The following ZNF783 variants were observed in gnomAD, a reference collection of about 807,000 sequenced individuals.
ZNF783 encodes protein ZNF783.
In ZNF783, 25 loss-of-function variants were observed where a neutral mutation model predicts 31.3. That is an observed-to-expected ratio of 0.80 (90% confidence interval 0.58 to 1.11). The LOEUF (loss-of-function observed/expected upper bound fraction) is 1.11, where lower values mean the gene tolerates loss of function less well. ZNF783 is among the 50% of genes most tolerant of loss of function. The pLI is 0.00. For missense variants in ZNF783, 797 were observed against 760.0 expected (o/e 1.05, Z -0.57); for synonymous variants, 369 against 319.1 (o/e 1.16, Z -1.66).
chr7:149,278,062 T>C, intron 4 of ZNF783: 1 of 773,508 alleles, frequency 1.3e-6, no homozygotes. Flanking sequence ...GAGGCCCGAC[T>C]GCGGGAGGTG....
intron 1 of ZNF783, among the ~76,000 whole-genome samples, 173 bp downstream of exon 1, chr7:149,262,530 G>A (rs1563192473): frequency 6.6e-6 from 1 of 152,230 alleles, no homozygotes; most frequent in African/African-American, 2.4e-5. Context: ...TGACCGGGCG[G>A]CCCAAATGCC....
intron 4 of ZNF783, among the ~76,000 whole-genome samples, chr7:149,270,358 G>C (rs1017655737): frequency 2.6e-5 from 4 of 152,054 alleles, no homozygotes; most frequent in Non-Finnish European, 5.9e-5. Context: ...TCAAACTCTT[G>C]GGCTCAAGCA....
chr7:149,264,106 A>T (rs1463923643), intron 1 of ZNF783, among the ~76,000 whole-genome samples: 1 of 152,126 alleles, frequency 6.6e-6, no homozygotes, highest in Non-Finnish European at 1.5e-5. Context: ...GACTCTTGTT[A>T]GCCCATCCTA....
chr7:149,266,669 T>C lies in ZNF783; in HGVS notation c.359T>C (p.Leu120Pro), dbSNP rs1797076798. ...CGGCTGGAGAATGTGGAGAACTTGC[T>C]GCGCAACAGGAACTTCTGGATCTTG... ...QRRLENVENL[L>P]RNRNFWILRL... Residue 120 changes from leucine to proline, a missense_variant, in exon 2 of 6, where the codon CTG becomes CCG. Coordinates refer to ENST00000434415, the MANE Select transcript of ZNF783 (RefSeq NM_001195220.2). 4 of 1,614,010 alleles carry C rather than the reference T, an allele frequency of 2.5e-6. No homozygotes were observed. The highest frequency in any genetic ancestry group is 1.6e-4 in the Middle Eastern group (1 of 6,082).
chr7:149,266,753 T>C (rs879025330), intron 2 of ZNF783, 23 bp downstream of exon 2: 3 of 1,611,962 alleles, frequency 1.9e-6, no homozygotes, highest in Non-Finnish European at 2.5e-6. Flanking sequence ...CACCCTGGGG[T>C]GGGGGAGCTC....
chr7:149,282,957 G>GTTTTTTTTTTTTTTTTTTTTTTTT lies in ZNF783; in HGVS notation c.*624_*625insTTTTTTTTTTTTTTTTTTTTTTTT, dbSNP rs57927274. The GTTTTTTTTTTTTTTTTTTTTTTTT allele has an allele frequency of 2.2e-5, 3 of 134,346 alleles. No individual in the cohort carries two copies. The highest frequency in any genetic ancestry group is 4.3e-4 in the East Asian group (2 of 4,664). 8.3% of individuals were successfully genotyped at this position (134,346 alleles called of 1,614,324 possible). On this transcript the variant is annotated 3_prime_UTR_variant, in exon 6 of 6. Coordinates refer to ENST00000434415, the MANE Select transcript of ZNF783 (RefSeq NM_001195220.2). ...CGTCCACCAGCCTGTGGGTCTTTTG[G>GTTTTTTTTTTTTTTTTTTTTTTTT]TTTTTTTTTTGTTGTTGTTGTTGTT...
In ZNF783 at chr7:149,278,454, G is replaced by A. The variant is rs773559096; in HGVS notation, c.729G>A (p.Glu243=). The A allele has an allele frequency of 6.3e-7, 1 of 1,599,314 alleles. No homozygotes were observed. The highest frequency in any genetic ancestry group is 8.5e-7 in the Non-Finnish European group (1 of 1,179,758). ...GCCCACTTAGCCCTGCCCAGGAGGA[G>A]CTGAAAGAAGGGCAGGCCCCCAAGC... is the stretch of plus-strand genomic sequence containing the variant. ...LTSPLSPAQE[E]LKEGQAPKQQ... The change falls in exon 5 of 6, where the codon GAG becomes GAA. Residue 243 remains glutamate (E), a synonymous_variant. Coordinates refer to ENST00000434415, the MANE Select transcript of ZNF783 (RefSeq NM_001195220.2).
rs527810106 is a variant in ZNF783, at chr7:149,279,319, C to T, written c.802+792C>T. 7.9e-5 allele frequency among the ~76,000 whole-genome samples: 12 copies of T among 152,366 alleles called. No homozygotes were observed. The East Asian group carries it at 2.1e-3, about 27-fold the overall frequency. On this transcript the variant is annotated intron_variant, in intron 5 of 5. Coordinates refer to ENST00000434415, the MANE Select transcript of ZNF783 (RefSeq NM_001195220.2). ...TTCCTGCCCCATTGCAGACCTGGAA[C>T]GGTGTCCGGGAGCCTCCCAACCCTC... is the stretch of plus-strand genomic sequence containing the variant.
At chr7:149,265,117 G>T (rs1797034020) in intron 1 of ZNF783, among the ~76,000 whole-genome samples, 1 of 152,160 alleles carries the variant, frequency 6.6e-6, no homozygotes, top group Non-Finnish European at 1.5e-5. Flanking sequence ...AACATGGATG[G>T]ATTTGAGGTA....
Position 149,282,294 on chromosome 7 carries a change from G to A in ZNF783, c.1592G>A (p.Arg531His), listed in dbSNP as rs539045489. 1.0e-5 allele frequency: 16 copies of A among 1,568,538 alleles called. No individual in the cohort carries two copies. Among genetic ancestry groups the A allele is most frequent in the Admixed American group, 1.8e-5 (1 of 55,632 alleles). Residue 531 changes from arginine to histidine, a missense_variant, in exon 6 of 6, where the codon CGC becomes CAC. Coordinates refer to ENST00000434415, the MANE Select transcript of ZNF783 (RefSeq NM_001195220.2). ...VGPHFPAAPA[R>H]HGSLPLPWPS... is the part of the protein sequence containing the mutation. ...CCACACTTCCCTGCCGCCCCCGCCCGCCACGGGAGCCTGCCCCTGCCCTGG... is the reference window on the plus strand; with the variant it reads ...CCACACTTCCCTGCCGCCCCCGCCCACCACGGGAGCCTGCCCCTGCCCTGG...
Position 149,266,722 on chromosome 7 carries a change from G to T in ZNF783, c.412G>T (p.Ala138Ser), listed in dbSNP as rs200191576. ...LRLPPGSKGE[A>S]PKVPVTFDDV... ...GCTGCCCCCGGGCAGCAAGGGGGAG[G>T]CCCCCAAGGTAGCACCGGGACACCC... Residue 138 changes from alanine (A) to serine (S), a missense_variant, in exon 2 of 6, where the codon GCC (alanine) becomes TCC (serine). Physicochemically the swap from Ala to Ser is moderately conservative, Grantham distance 99. Transcript: ENST00000434415. 1.2e-6 allele frequency: 2 copies of T among 1,613,798 alleles called. No homozygotes were observed. Among genetic ancestry groups the T allele is most frequent in the African/African-American group, 1.3e-5 (1 of 75,034 alleles).
intron 4 of ZNF783, among the ~76,000 whole-genome samples, chr7:149,270,942 TA>T (rs1797194615): frequency 6.6e-6 from 1 of 152,230 alleles, no homozygotes; most frequent in African/African-American, 2.4e-5. Context: ...AATTCAAATT[TA>T]ATGTTCTTTG....
Position 149,266,481 on chromosome 7 carries a change from G to A in ZNF783, c.171G>A (p.Val57=), listed in dbSNP as rs1461599720. 2 of 1,612,548 alleles carry A rather than the reference G, an allele frequency of 1.2e-6. No individual in the cohort carries two copies. Among genetic ancestry groups the A allele is most frequent in the African/African-American group, 2.7e-5 (2 of 74,900 alleles). The change falls in exon 2 of 6, where the codon GTG becomes GTA. Residue 57 remains valine (V), a synonymous_variant. Transcript: ENST00000434415. ...CCATTCAGGCCTTGGAGAAGAAGGT[G>A]GATTCCTGCCTGACCCGCTTGCTGA... ...VAAIQALEKK[V]DSCLTRLLTL... is the part of the protein sequence containing the mutation.
chr7:149,262,257 C>T lies in ZNF783; in HGVS notation c.-77C>T, dbSNP rs986483728. The T allele has an allele frequency of 7.1e-6, 9 of 1,274,016 alleles. No homozygotes were observed. In the African/African-American group the frequency reaches 1.1e-4, roughly 16 times the overall value. 78.9% of individuals were successfully genotyped at this position (1,274,016 alleles called of 1,614,324 possible). On this transcript the variant is annotated 5_prime_UTR_variant, in exon 1 of 6. Transcript: ENST00000434415. ...GGTTAGGCGGGTCCCGCTCCGCTTC[C>T]GCCGTCGCTGCCGCGCCGCCCCGGG...
chr7:149,269,887 T>C (rs1205078251), intron 4 of ZNF783, among the ~76,000 whole-genome samples: 1 of 147,108 alleles, frequency 6.8e-6, no homozygotes, highest in Non-Finnish European at 1.5e-5. Flanking sequence ...GTTCTCATTG[T>C]TCAGTTCCCA....
At chr7:149,270,082 T>TG (rs1797175446) in intron 4 of ZNF783, among the ~76,000 whole-genome samples, 1 of 152,228 alleles carries the variant, frequency 6.6e-6, no homozygotes, top group Non-Finnish European at 1.5e-5. Flanking sequence ...GTTGGACATT[T>TG]GGGTTGGTTC....
At chr7:149,269,841 C>T (rs902357118) in intron 4 of ZNF783, among the ~76,000 whole-genome samples, 2 of 121,848 alleles carry the variant, frequency 1.6e-5, no homozygotes, top group Non-Finnish European at 3.2e-5. Context: ...CCACAACAGT[C>T]CCTGGTGTGT....
intron 4 of ZNF783, among the ~76,000 whole-genome samples, chr7:149,273,963 T>C (rs570602081): frequency 6.6e-6 from 1 of 152,360 alleles, no homozygotes; most frequent in African/African-American, 2.4e-5. Flanking sequence ...TTAGATATTT[T>C]GGTTATGAAT....
At chr7:149,277,239 G>T (rs1039210587) in intron 4 of ZNF783, 25 of 152,186 alleles carry the variant, frequency 1.6e-4, no homozygotes, top group African/African-American at 5.6e-4. Flanking sequence ...AGGTTTGGAG[G>T]TAGAGCCACT....
Sources: allele counts gnomAD v4.1 joint callset (sites outside exome capture counted in the v4.1 genomes callset), GRCh38; gene constraint gnomAD v4.1.1; transcripts MANE v1.5; gene names NCBI Gene and HGNC (gene_info 2026-07-23, HGNC 2026-07-21).